Variants in SLA observed in about 807,000 individuals in gnomAD.
The protein encoded by SLA is Src like adaptor, also known as src-like-adapter.
SLA carries 16 observed loss-of-function variants against 30.3 expected under a neutral mutation model. That is an observed-to-expected ratio of 0.53 (90% CI 0.36 to 0.80). The LOEUF is 0.80. SLA is among the 30% of genes least tolerant of loss of function. SLA has a pLI of 0.01. For missense variants in SLA, 310 were observed against 345.2 expected (o/e 0.90, Z 0.81); for synonymous variants, 143 against 137.8 (o/e 1.04, Z -0.26).
chr8:133,090,912 C>T (rs919787816), intron 1 of SLA, among the ~76,000 whole-genome samples: 1 of 152,134 alleles, frequency 6.6e-6, no homozygotes, highest in Non-Finnish European at 1.5e-5. Context: ...GCCACAAGCA[C>T]GAGATGACAC....
chr8:133,073,281 T>C (rs894668177), intron 2 of SLA: 1 of 152,228 alleles, frequency 6.6e-6, no homozygotes, highest in African/African-American at 2.4e-5. Context: ...TCTAATTAGA[T>C]TTCAATTTGT....
intron 1 of SLA, chr8:133,096,416 C>T: frequency 2.5e-6 from 4 of 1,611,492 alleles, no homozygotes; most frequent in Non-Finnish European, 3.4e-6. Flanking sequence ...CTGGGCATTT[C>T]CTAAGGGCTC....
intron 1 of SLA, among the ~76,000 whole-genome samples, chr8:133,075,818 G>A (rs892676994): frequency 6.6e-6 from 1 of 152,090 alleles, no homozygotes; most frequent in Non-Finnish European, 1.5e-5. Flanking sequence ...GGAGACAGAA[G>A]GCAAACGGGA....
At chr8:133,096,084 T>C in intron 1 of SLA, 1 of 1,286,396 alleles carries the variant, frequency 7.8e-7, no homozygotes, top group Non-Finnish European at 1.1e-6. Flanking sequence ...CCTGGTCACT[T>C]TTTCTCAGTA....
At chr8:133,078,888 A>T (rs1845308749) in intron 1 of SLA, among the ~76,000 whole-genome samples, 1 of 152,170 alleles carries the variant, frequency 6.6e-6, no homozygotes, top group Admixed American at 6.5e-5. Context: ...GGAGTTTCTG[A>T]TCTAGCAGAG....
rs552976898 is a variant in SLA at position 133,044,584 on chromosome 8, C to T, written c.484+400G>A. Among the ~76,000 whole-genome samples the T allele has an allele frequency of 4.3e-4, 65 of 152,220 alleles. 1 individual carries two copies. The highest frequency in any genetic ancestry group is 6.2e-4 in the South Asian group (3 of 4,828). The stretch of plus-strand genomic sequence containing the variant: ...AACTCCTATAGCTTCATCGCAGAGG[C>T]GTTTCATGTTGGTCTTGAAGGCCAA... On this transcript the variant is annotated intron_variant, in intron 7 of 8. Coordinates refer to ENST00000338087, the MANE Select transcript of SLA (RefSeq NM_001045556.3).
chr8:133,101,511 C>T (rs957002855), intron 1 of SLA, among the ~76,000 whole-genome samples: 1 of 152,212 alleles, frequency 6.6e-6, no homozygotes, highest in Non-Finnish European at 1.5e-5. Context: ...ACTCCATCCT[C>T]TGTCCTTTGA....
At chr8:133,042,374 C>T (rs1418333764) in intron 7 of SLA, among the ~76,000 whole-genome samples, 1 of 152,142 alleles carries the variant, frequency 6.6e-6, no homozygotes, top group African/African-American at 2.4e-5. Context: ...TCAAGGTCCC[C>T]AGCCCTTGAT....
At chr8:133,097,226 A>G (rs916851812) in intron 1 of SLA, among the ~76,000 whole-genome samples, 2 of 152,268 alleles carry the variant, frequency 1.3e-5, no homozygotes, top group African/African-American at 2.4e-5. Context: ...GAAAGCAACC[A>G]AACAGGATCC....
chr8:133,084,413 A>AG (rs1462101457), intron 1 of SLA, among the ~76,000 whole-genome samples: 18 of 152,216 alleles, frequency 1.2e-4, no homozygotes, highest in East Asian at 1.9e-4. Flanking sequence ...TGACAATGGA[A>AG]GGGAGGCTCA....
At chr8:133,045,255 C>T (rs1839107118) in intron 6 of SLA, 140 bp from the exon 7 acceptor site, 1 of 752,734 alleles carries the variant, frequency 1.3e-6, no homozygotes, top group Non-Finnish European at 2.2e-6. Context: ...CAGCCCCTCC[C>T]TCCACTAGAC....
At chr8:133,039,907 G>A (rs572072889) in intron 8 of SLA, 91 bp downstream of exon 8, 60 of 1,492,162 alleles carry the variant, frequency 4.0e-5, no homozygotes, top group South Asian at 6.5e-5. Context: ...TCATGTGCTC[G>A]GCACACACAC....
intron 7 of SLA, among the ~76,000 whole-genome samples, chr8:133,043,033 G>T (rs1206241270): frequency 6.6e-6 from 1 of 152,030 alleles, no homozygotes; most frequent in Non-Finnish European, 1.5e-5. Flanking sequence ...AGATAAAAGT[G>T]GCCATGTGGC....
intron 1 of SLA, among the ~76,000 whole-genome samples, chr8:133,098,403 C>G (rs913351980): frequency 9.9e-5 from 15 of 152,190 alleles, no homozygotes; most frequent in Non-Finnish European, 2.2e-4. Flanking sequence ...CTTGCTGCCC[C>G]TAAACACTGT....
chr8:133,038,329 T>C lies in SLA; in HGVS notation c.*195A>G, dbSNP rs1322784041. ...ATGTTTCGTGATGCCACAGCCCTGA[T>C]CAGACACCAGGGAGGGGTTCCTTTG... is the stretch of plus-strand genomic sequence containing the variant. On this transcript the variant is annotated 3_prime_UTR_variant, in exon 9 of 9. Coordinates refer to ENST00000338087, the MANE Select transcript of SLA (RefSeq NM_001045556.3). The C allele has an allele frequency of 1.7e-6, 1 of 603,264 alleles. No homozygotes were observed. 37.4% of individuals were successfully genotyped at this position (603,264 alleles called of 1,614,324 possible).
At chr8:133,074,625 C>T (rs147136513) in intron 2 of SLA, among the ~76,000 whole-genome samples, 109 of 152,354 alleles carry the variant, frequency 7.2e-4, no homozygotes, top group African/African-American at 2.5e-3. Context: ...CAGCATCCTG[C>T]CCCTGCTCCT....
intron 1 of SLA, among the ~76,000 whole-genome samples, chr8:133,078,146 A>G (rs1157402882): frequency 6.6e-6 from 1 of 152,126 alleles, no homozygotes; most frequent in Non-Finnish European, 1.5e-5. Context: ...TGGCTGTGTC[A>G]CCCATCCTTC....
intron 5 of SLA, chr8:133,048,972 A>C: frequency 3.0e-6 from 1 of 332,160 alleles, no homozygotes; most frequent in Non-Finnish European, 6.1e-6. Context: ...TTATCAATGG[A>C]TGCCTCCTTC....
At chr8:133,081,562 C>A (rs10097042) in intron 1 of SLA, among the ~76,000 whole-genome samples, 38,881 of 151,790 alleles carry the variant, frequency 0.26, 5,269 homozygotes, top group African/African-American at 0.31. Context: ...GTCTTTTGGC[C>A]CTAAAATTAT....
Sources: allele counts gnomAD v4.1 joint callset (sites outside exome capture counted in the v4.1 genomes callset), GRCh38; gene constraint gnomAD v4.1.1; transcripts MANE v1.5; gene names NCBI Gene and HGNC (gene_info 2026-07-23, HGNC 2026-07-21).